LIMK1: variants seen among roughly 807,000 people sequenced by gnomAD.
The protein encoded by LIMK1 is LIM domain kinase 1.
LIMK1 carries 21 observed loss-of-function variants against 77.6 expected under a neutral mutation model. That is an observed-to-expected ratio of 0.27 (90% CI 0.19 to 0.39). LIMK1 has a LOEUF of 0.39. LIMK1 is among the 10% of genes least tolerant of loss of function. The pLI is 1.00. For missense variants in LIMK1, 696 were observed against 901.6 expected, an observed-to-expected ratio of 0.77 and a Z score of 2.92; for synonymous variants, 358 against 370.0, an observed-to-expected ratio of 0.97 and a Z score of 0.37.
At chr7:74,110,200 T>TA (rs1799665851) in intron 10 of LIMK1, 2 of 151,944 alleles carry the variant, frequency 1.3e-5, no homozygotes, top group Non-Finnish European at 2.9e-5. Flanking sequence ...CAAAAAAAAT[T>TA]AAAAAATTAG....
chr7:74,102,484 C>CTCTTTTT (rs1554696729), intron 5 of LIMK1, among the ~76,000 whole-genome samples: 1 of 54,042 alleles, frequency 1.9e-5, no homozygotes, highest in Non-Finnish European at 3.5e-5. Flanking sequence ...AGGACCTTCT[C>CTCTTTTT]TTTTTTTTTT....
chr7:74,106,326 C>T (rs1799574200), intron 7 of LIMK1, 83 bp downstream of exon 7: 2 of 1,469,732 alleles, frequency 1.4e-6, no homozygotes, highest in East Asian at 2.3e-5. Context: ...GTCGGGGAGC[C>T]AGCCCTGCAC....
In LIMK1 at chr7:74,096,666, A is replaced by G. The variant is rs143058870; in HGVS notation, c.197A>G (p.Lys66Arg). 2 of 1,613,962 alleles carry G rather than the reference A, an allele frequency of 1.2e-6. No individual in the cohort carries two copies. Among genetic ancestry groups the G allele is most frequent in the Non-Finnish European group, 1.7e-6 (2 of 1,180,026 alleles). Residue 66 changes from lysine to arginine, a missense_variant, in exon 3 of 16, where the codon AAG (lysine) becomes AGG (arginine). Physicochemically the swap from Lys to Arg is conservative, Grantham distance 26. Coordinates refer to ENST00000336180, the MANE Select transcript of LIMK1 (RefSeq NM_002314.4). ...SASLSHQYYE[K>R]DGQLFCKKDY... Reference sequence around the variant, plus strand: ...TCCCTGTCGCACCAGTACTATGAGAAGGATGGGCAGCTCTTCTGCAAGAAG... The same window carrying G: ...TCCCTGTCGCACCAGTACTATGAGAGGGATGGGCAGCTCTTCTGCAAGAAG...
At chr7:74,093,314 C>T in intron 2 of LIMK1, 1 of 1,535,838 alleles carries the variant, frequency 6.5e-7, no homozygotes, top group Non-Finnish European at 8.7e-7. Flanking sequence ...GTGGGAATCC[C>T]CCTCCCTACT....
At chr7:74,109,694 A>T (rs1799655844) in intron 10 of LIMK1, 1 of 152,736 alleles carries the variant, frequency 6.5e-6, no homozygotes, top group South Asian at 2.1e-4. Context: ...AAATACAAAA[A>T]ATTAGCCGGG....
In LIMK1 at chr7:74,106,062, G is replaced by T. The variant is rs782786000; in HGVS notation, c.715-15G>T. 2 of 1,613,836 alleles carry T rather than the reference G, an allele frequency of 1.2e-6. No homozygotes were observed. Among genetic ancestry groups the T allele is most frequent in the East Asian group, 4.5e-5 (2 of 44,864 alleles). ...CTCCCCACTCCACCCCCATTCACATGCCTGCTGTCCCCAGATTGACCTGCT... is the reference window on the plus strand; with the variant it reads ...CTCCCCACTCCACCCCCATTCACATTCCTGCTGTCCCCAGATTGACCTGCT... On this transcript the variant is annotated splice_polypyrimidine_tract_variant and intron_variant, in intron 6 of 15. Transcript: ENST00000336180.
rs1320232409 is a variant in LIMK1, at chr7:74,121,351, C to A, written c.*50C>A. 2.0e-5 allele frequency: 29 copies of A among 1,477,294 alleles called. No individual in the cohort carries two copies. Among genetic ancestry groups the A allele is most frequent in the Non-Finnish European group, 2.4e-5 (27 of 1,106,836 alleles). 91.5% of individuals were successfully genotyped at this position (1,477,294 alleles called of 1,614,324 possible). A position where few individuals can be genotyped will look rare whatever the true frequency, so the allele number is the denominator to read the frequency against. On this transcript the variant is annotated 3_prime_UTR_variant, in exon 16 of 16. Transcript: ENST00000336180. The stretch of plus-strand genomic sequence containing the variant: ...TCCCCACCTCTGGAGAATCCACCCC[C>A]ACCAGATTCCTCCGCGGGAGGTGGC...
intron 2 of LIMK1, among the ~76,000 whole-genome samples, chr7:74,093,590 C>G (rs1048914755): frequency 6.6e-6 from 1 of 152,154 alleles, no homozygotes; most frequent in East Asian, 1.9e-4. Flanking sequence ...TGGAAGCCAC[C>G]GCTGTCTCCC....
intron 2 of LIMK1, among the ~76,000 whole-genome samples, chr7:74,087,973 T>C (rs1799163907): frequency 6.6e-6 from 1 of 152,024 alleles, no homozygotes; most frequent in South Asian, 2.1e-4. Context: ...AGTGGTGAGA[T>C]CATAGCCCAC....
Position 74,106,140 on chromosome 7 carries a change from G to A in LIMK1, c.778G>A (p.Asp260Asn), listed in dbSNP as rs115350700. The change falls in exon 7 of 16, where the codon GAT becomes AAT. Residue 260 changes from aspartate to asparagine, a missense_variant. Coordinates refer to ENST00000336180, the MANE Select transcript of LIMK1 (RefSeq NM_002314.4). ...LQLTLEHDPH[D>N]TLGHGLGPET... ...GCTGACCCTCGAGCATGACCCTCACGATACACTGGGCCACGGGCTGGGGCC... is the reference window on the plus strand; with the variant it reads ...GCTGACCCTCGAGCATGACCCTCACAATACACTGGGCCACGGGCTGGGGCC... 7 of 1,613,986 alleles carry A rather than the reference G, an allele frequency of 4.3e-6. No individual in the cohort carries two copies. The highest frequency in any genetic ancestry group is 5.9e-6 in the Non-Finnish European group (7 of 1,180,034).
At chr7:74,095,975 T>G (rs1006633838) in intron 2 of LIMK1, among the ~76,000 whole-genome samples, 1 of 148,262 alleles carries the variant, frequency 6.7e-6, no homozygotes, top group Non-Finnish European at 1.5e-5. Flanking sequence ...TTTCTTTTTT[T>G]TTTTTTTGGA....
rs1009495404 is a variant in LIMK1, at chr7:74,121,366, C to T, written c.*65C>T. 5.6e-5 allele frequency: 79 copies of T among 1,421,904 alleles called. No homozygotes were observed. Among genetic ancestry groups the T allele is most frequent in the Non-Finnish European group, 7.1e-5 (76 of 1,067,158 alleles). The allele number at this position is 1,421,904 out of a possible 1,614,324, so 88.1% of individuals were successfully genotyped here. On this transcript the variant is annotated 3_prime_UTR_variant, in exon 16 of 16. Coordinates refer to ENST00000336180, the MANE Select transcript of LIMK1 (RefSeq NM_002314.4). ...AATCCACCCCCACCAGATTCCTCCG[C>T]GGGAGGTGGCCCTCAGCTGGGACAG...
intron 2 of LIMK1, among the ~76,000 whole-genome samples, chr7:74,087,316 G>T (rs1484144030): frequency 1.3e-5 from 2 of 152,028 alleles, no homozygotes; most frequent in African/African-American, 2.4e-5. Flanking sequence ...AGGTGGCAGG[G>T]TTACTTGAGC....
At chr7:74,115,073 C>T (rs1365954746) in intron 12 of LIMK1, among the ~76,000 whole-genome samples, 1 of 151,850 alleles carries the variant, frequency 6.6e-6, no homozygotes, top group Non-Finnish European at 1.5e-5. Flanking sequence ...GTCAATCAAC[C>T]TAAATAAATA....
chr7:74,121,729 G>A lies in LIMK1; in HGVS notation c.*428G>A, dbSNP rs952133440. The A allele has an allele frequency of 5.4e-5, 9 of 167,338 alleles. No individual in the cohort carries two copies. Among genetic ancestry groups the A allele is most frequent in the South Asian group, 1.9e-4 (1 of 5,288 alleles). 10.4% of individuals were successfully genotyped at this position (167,338 alleles called of 1,614,324 possible). ...CATATAACGCTTGGGTGCGTGGGAG[G>A]GCGCACATCAGGGCAGAGGCCAAGT... On this transcript the variant is annotated 3_prime_UTR_variant, in exon 16 of 16. Coordinates refer to ENST00000336180, the MANE Select transcript of LIMK1 (RefSeq NM_002314.4).
At chr7:74,091,954 C>CTTTTTT (rs35254348) in intron 2 of LIMK1, among the ~76,000 whole-genome samples, 2 of 80,624 alleles carry the variant, frequency 2.5e-5, no homozygotes, top group Non-Finnish European at 4.5e-5. Flanking sequence ...GGCTGTACAG[C>CTTTTTT]TTTTTTTTTT....
intron 9 of LIMK1, among the ~76,000 whole-genome samples, chr7:74,108,415 C>T (rs994824736): frequency 4.6e-5 from 7 of 151,902 alleles, no homozygotes; most frequent in Non-Finnish European, 1.0e-4. Context: ...GAGGCTGAGC[C>T]GGGCGGATCA....
At chr7:74,119,953 G>A (rs539831890) in intron 13 of LIMK1, among the ~76,000 whole-genome samples, 1 of 152,280 alleles carries the variant, frequency 6.6e-6, no homozygotes, top group Admixed American at 6.5e-5. Context: ...AGTTTTGGAA[G>A]CCAGAAGGTT....
At chr7:74,114,832 G>A (rs1447343913) in intron 12 of LIMK1, among the ~76,000 whole-genome samples, 9 of 149,132 alleles carry the variant, frequency 6.0e-5, no homozygotes, top group South Asian at 2.1e-4. Context: ...GGAGAATGGC[G>A]TGAACCTGGG....
Sources: gnomAD v4.1 joint callset for allele counts (sites outside exome capture counted in the v4.1 genomes callset) on GRCh38, gnomAD v4.1.1 for gene constraint, MANE v1.5 for transcripts, NCBI Gene and HGNC (gene_info 2026-07-23, HGNC 2026-07-21) for gene names.